SLC35F4: variants seen among roughly 807,000 people sequenced by gnomAD.
The protein encoded by SLC35F4 is solute carrier family 35 member F4.
Under a neutral mutation model 44.2 loss-of-function variants are expected in SLC35F4, and 24 were observed. The ratio of observed to expected loss-of-function variants is 0.54; its 90% CI spans 0.39 to 0.76. The LOEUF is 0.76. SLC35F4 is among the 30% of genes least tolerant of loss of function. SLC35F4 has a pLI of 0.00. For missense variants in SLC35F4, 562 were observed against 586.1 expected, an observed-to-expected ratio of 0.96 and a Z score of 0.42; for synonymous variants, 238 against 223.6, an observed-to-expected ratio of 1.06 and a Z score of -0.57.
intron 1 of SLC35F4, among the ~76,000 whole-genome samples, chr14:57,916,712 G>T (rs1280685379): frequency 6.6e-6 from 1 of 152,016 alleles, no homozygotes; most frequent in Non-Finnish European, 1.5e-5. Context: ...TTGGAATTGG[G>T]TACTAGGCTC....
intron 1 of SLC35F4, among the ~76,000 whole-genome samples, chr14:57,798,129 A>T (rs2140840452): frequency 6.7e-6 from 1 of 150,196 alleles, no homozygotes; most frequent in Middle Eastern, 3.4e-3. Context: ...AGCAAAAAAA[A>T]AAAAAAAAAA....
intron 1 of SLC35F4, among the ~76,000 whole-genome samples, chr14:57,824,155 T>TGACAC (rs1326876812): frequency 6.6e-5 from 10 of 152,164 alleles, no homozygotes; most frequent in Non-Finnish European, 5.9e-5. Flanking sequence ...CAACAAAACA[T>TGACAC]GACACCGAGA....
chr14:57,865,193 G>T (rs960986317), intron 1 of SLC35F4, among the ~76,000 whole-genome samples: 7 of 151,514 alleles, frequency 4.6e-5, no homozygotes, highest in Non-Finnish European at 8.8e-5. Context: ...AGTAACTCCC[G>T]CGCTGGCAGC....
At chr14:57,740,943 C>T (rs1451927616) in intron 1 of SLC35F4, among the ~76,000 whole-genome samples, 1 of 152,184 alleles carries the variant, frequency 6.6e-6, no homozygotes, top group Non-Finnish European at 1.5e-5. Context: ...GTTGTGCAGC[C>T]TCCGCTGGTG....
At chr14:57,854,808 A>T (rs1297612612) in intron 1 of SLC35F4, among the ~76,000 whole-genome samples, 2 of 152,252 alleles carry the variant, frequency 1.3e-5, no homozygotes, top group African/African-American at 4.8e-5. Flanking sequence ...GCCAAGAGGC[A>T]ATCCAGGTAG....
At chr14:57,645,543 G>A (rs541374890) in intron 1 of SLC35F4, among the ~76,000 whole-genome samples, 1 of 151,832 alleles carries the variant, frequency 6.6e-6, no homozygotes, top group Non-Finnish European at 1.5e-5. Context: ...GGGTTTTCTA[G>A]ATATACAATC....
intron 1 of SLC35F4, among the ~76,000 whole-genome samples, chr14:57,732,129 C>G (rs2076358643): frequency 6.6e-6 from 1 of 152,128 alleles, no homozygotes; most frequent in African/African-American, 2.4e-5. Context: ...TTTACTTTAA[C>G]TCAGTGTTAG....
intron 7 of SLC35F4, among the ~76,000 whole-genome samples, chr14:57,565,907 A>G (rs1420210276): frequency 6.6e-6 from 1 of 152,250 alleles, no homozygotes; most frequent in African/African-American, 2.4e-5. Flanking sequence ...AGGACTGTAC[A>G]ATCATCCAGA....
intron 1 of SLC35F4, chr14:57,977,003 A>G (rs1163454893): frequency 1.3e-5 from 2 of 152,206 alleles, no homozygotes; most frequent in Non-Finnish European, 2.9e-5. Flanking sequence ...AGTAAGACAT[A>G]TATGTGCTAA....
intron 1 of SLC35F4, among the ~76,000 whole-genome samples, chr14:57,789,018 A>C (rs1311816040): frequency 2.0e-5 from 3 of 152,238 alleles, no homozygotes; most frequent in Non-Finnish European, 4.4e-5. Context: ...AGCAGTGTTT[A>C]GAGGGAAACT....
intron 1 of SLC35F4, among the ~76,000 whole-genome samples, chr14:57,608,081 G>A (rs1382479944): frequency 3.3e-5 from 5 of 152,114 alleles, no homozygotes; most frequent in Admixed American, 6.5e-5. Flanking sequence ...ATGGTCAGTG[G>A]GCAGTTGGAC....
chr14:57,689,334 T>C (rs2075159201), intron 1 of SLC35F4, among the ~76,000 whole-genome samples: 1 of 152,158 alleles, frequency 6.6e-6, no homozygotes. Flanking sequence ...TCCCACCTTT[T>C]AGCTCATTGT....
chr14:57,610,864 T>C (rs1382662458), intron 1 of SLC35F4, among the ~76,000 whole-genome samples: 1 of 152,206 alleles, frequency 6.6e-6, no homozygotes, highest in Non-Finnish European at 1.5e-5. Flanking sequence ...ACAGACATGG[T>C]TTCAGTCCTT....
intron 1 of SLC35F4, among the ~76,000 whole-genome samples, chr14:57,724,624 T>C (rs2076159889): frequency 6.6e-6 from 1 of 152,144 alleles, no homozygotes; most frequent in Admixed American, 6.5e-5. Context: ...CAAATGCCCA[T>C]GGTCTCCACT....
intron 1 of SLC35F4, among the ~76,000 whole-genome samples, chr14:57,742,813 A>G (rs2076649106): frequency 6.6e-6 from 1 of 152,226 alleles, no homozygotes; most frequent in South Asian, 2.1e-4. Flanking sequence ...AATTGACCAC[A>G]TAGTTGGAAG....
intron 1 of SLC35F4, among the ~76,000 whole-genome samples, chr14:57,829,569 C>T (rs1168767287): frequency 6.6e-6 from 1 of 152,156 alleles, no homozygotes; most frequent in Non-Finnish European, 1.5e-5. Flanking sequence ...CACTCTGGAA[C>T]CTGAAAGGAT....
intron 1 of SLC35F4, among the ~76,000 whole-genome samples, chr14:57,725,393 A>G (rs764866575): frequency 6.6e-6 from 1 of 152,198 alleles, no homozygotes; most frequent in Non-Finnish European, 1.5e-5. Context: ...TGGCAGGTTG[A>G]TTATACTGGA....
At chr14:57,804,434 T>A (rs924085773) in intron 1 of SLC35F4, among the ~76,000 whole-genome samples, 2 of 151,994 alleles carry the variant, frequency 1.3e-5, no homozygotes, top group African/African-American at 2.4e-5. Flanking sequence ...CATAGACCAA[T>A]GGAACAGAAT....
At chr14:57,703,977 T>A (rs2075607221) in intron 1 of SLC35F4, among the ~76,000 whole-genome samples, 2 of 152,162 alleles carry the variant, frequency 1.3e-5, no homozygotes, top group Admixed American at 1.3e-4. Context: ...ACCCTTAGAA[T>A]TCCCTGCTGG....
Sources: gnomAD v4.1 joint callset for allele counts (sites outside exome capture counted in the v4.1 genomes callset) on GRCh38, gnomAD v4.1.1 for gene constraint, MANE v1.5 for transcripts, NCBI Gene and HGNC (gene_info 2026-07-23, HGNC 2026-07-21) for gene names.